Variants in CCDC170 observed in about 807,000 individuals in gnomAD.
CCDC170 encodes the protein coiled-coil domain containing 170.
CCDC170 carries 69 observed loss-of-function variants against 72.6 expected under a neutral mutation model. That is an observed-to-expected ratio of 0.95 (90% CI 0.78 to 1.16). The LOEUF is 1.16. Ranked by LOEUF, CCDC170 falls within the 50% of genes most tolerant of loss-of-function variation. The pLI is 0.00. For synonymous variants in CCDC170, 300 were observed against 303.9 expected (o/e 0.99, Z 0.13); for missense variants, 852 against 832.5 (o/e 1.02, Z -0.29).
chr6:151,511,521 G>T (rs1282712924), intron 1 of CCDC170, among the ~76,000 whole-genome samples: 1 of 152,110 alleles, frequency 6.6e-6, no homozygotes, highest in Non-Finnish European at 1.5e-5. Context: ...TATGTGCTAG[G>T]AAATGTGCTT....
At chr6:151,504,865 G>A (rs1303304843) in intron 1 of CCDC170, among the ~76,000 whole-genome samples, 4 of 151,872 alleles carry the variant, frequency 2.6e-5, no homozygotes, top group Admixed American at 1.3e-4. Flanking sequence ...AGGAGAGAGC[G>A]TCGAGGACAG....
intron 5 of CCDC170, among the ~76,000 whole-genome samples, chr6:151,559,595 G>T (rs1562282317): frequency 6.6e-6 from 1 of 152,108 alleles, no homozygotes; most frequent in Non-Finnish European, 1.5e-5. Context: ...AGCTTTAAGA[G>T]TTTTTTTGGT....
At chr6:151,564,497 G>T (rs962503245) in intron 5 of CCDC170, among the ~76,000 whole-genome samples, 2 of 152,136 alleles carry the variant, frequency 1.3e-5, no homozygotes, top group African/African-American at 4.8e-5. Flanking sequence ...GCAGCAGCAG[G>T]TGGGTCTTTC....
At chr6:151,579,822 A>G (rs900139807) in intron 6 of CCDC170, among the ~76,000 whole-genome samples, 5 of 152,250 alleles carry the variant, frequency 3.3e-5, no homozygotes, top group Admixed American at 2.0e-4. Context: ...GGAAATGGAC[A>G]CGATGTGTTG....
At chr6:151,553,715 A>G (rs1407334502) in intron 5 of CCDC170, among the ~76,000 whole-genome samples, 2 of 151,938 alleles carry the variant, frequency 1.3e-5, no homozygotes, top group African/African-American at 4.8e-5. Flanking sequence ...AGTTCCTGCC[A>G]AAATCATAAA....
intron 10 of CCDC170, 62 bp from the exon 11 acceptor site, chr6:151,617,885 G>A: frequency 1.3e-6 from 2 of 1,506,082 alleles, no homozygotes; most frequent in Middle Eastern, 1.9e-4. Flanking sequence ...TGTTGCATTT[G>A]GCTCAGCAGT....
chr6:151,617,219 T>C (rs935833848), intron 10 of CCDC170, among the ~76,000 whole-genome samples: 2 of 152,148 alleles, frequency 1.3e-5, no homozygotes, highest in African/African-American at 4.8e-5. Context: ...CTATGAGAAT[T>C]TGAAGGGATA....
At chr6:151,592,968 G>T in intron 7 of CCDC170, 139 bp from the exon 8 acceptor site, 1 of 862,076 alleles carries the variant, frequency 1.2e-6, no homozygotes, top group Non-Finnish European at 1.8e-6. Flanking sequence ...CCACATATGG[G>T]TCAGAGTCCG....
At chr6:151,607,079 A>T (rs1028122930) in intron 9 of CCDC170, among the ~76,000 whole-genome samples, 4 of 152,136 alleles carry the variant, frequency 2.6e-5, no homozygotes, top group African/African-American at 9.7e-5. Context: ...GAGAGCTTAG[A>T]CCATTTACAT....
intron 9 of CCDC170, among the ~76,000 whole-genome samples, chr6:151,613,174 C>A (rs368750990): frequency 1.9e-3 from 288 of 152,194 alleles, no homozygotes; most frequent in African/African-American, 6.3e-3. Context: ...GAGGCTGAGG[C>A]GAGAGGATCA....
chr6:151,605,954 T>G (rs1175709254), intron 9 of CCDC170, among the ~76,000 whole-genome samples: 2 of 149,234 alleles, frequency 1.3e-5, no homozygotes, highest in Non-Finnish European at 3.0e-5. Flanking sequence ...CAGGCTGGAG[T>G]GCAATGGCGT....
intron 9 of CCDC170, among the ~76,000 whole-genome samples, chr6:151,610,533 C>A (rs1330040971): frequency 6.6e-6 from 1 of 152,176 alleles, no homozygotes; most frequent in African/African-American, 2.4e-5. Flanking sequence ...TGACACTTCA[C>A]CCCTCAAATA....
chr6:151,510,187 C>T (rs942421402), intron 1 of CCDC170, among the ~76,000 whole-genome samples: 8 of 152,160 alleles, frequency 5.3e-5, no homozygotes, highest in African/African-American at 1.9e-4. Context: ...AGAGCATGGG[C>T]TTTGGCGTCA....
chr6:151,602,241 C>G (rs1776720106), intron 9 of CCDC170, among the ~76,000 whole-genome samples: 1 of 152,056 alleles, frequency 6.6e-6, no homozygotes, highest in East Asian at 1.9e-4. Flanking sequence ...TAATAGAAAT[C>G]CTTTTTGCAA....
At chr6:151,558,970 G>A (rs1783032574) in intron 5 of CCDC170, among the ~76,000 whole-genome samples, 2 of 150,442 alleles carry the variant, frequency 1.3e-5, no homozygotes, top group Admixed American at 6.6e-5. Flanking sequence ...TTAATCTGTA[G>A]ACTGCTTTGG....
At chr6:151,609,342 C>T (rs1366131661) in intron 9 of CCDC170, among the ~76,000 whole-genome samples, 1 of 152,194 alleles carries the variant, frequency 6.6e-6, no homozygotes, top group Non-Finnish European at 1.5e-5. Flanking sequence ...CACTTCCTGG[C>T]TCCTACTGGG....
At chr6:151,512,124 G>GGTAAGCCACT (rs1353357893) in intron 1 of CCDC170, among the ~76,000 whole-genome samples, 1 of 151,260 alleles carries the variant, frequency 6.6e-6, no homozygotes, top group African/African-American at 2.4e-5. Flanking sequence ...GGATTACAGG[G>GGTAAGCCACT]GTAAGCCACT....
At chr6:151,582,383 T>C (rs1776390614) in intron 6 of CCDC170, among the ~76,000 whole-genome samples, 1 of 152,226 alleles carries the variant, frequency 6.6e-6, no homozygotes, top group Admixed American at 6.5e-5. Flanking sequence ...ACTTTTCTTC[T>C]GCAGCTTCTT....
At chr6:151,601,027 T>C (rs1776701187) in intron 9 of CCDC170, among the ~76,000 whole-genome samples, 1 of 152,214 alleles carries the variant, frequency 6.6e-6, no homozygotes, top group African/African-American at 2.4e-5. Context: ...TGTATTAGTC[T>C]GTTTTCCTGC....
Sources: gnomAD v4.1 joint callset for allele counts (sites outside exome capture counted in the v4.1 genomes callset) on GRCh38, gnomAD v4.1.1 for gene constraint, MANE v1.5 for transcripts, NCBI Gene and HGNC (gene_info 2026-07-23, HGNC 2026-07-21) for gene names.